ATG7: variants seen among roughly 807,000 people sequenced by gnomAD.
ATG7 encodes ubiquitin-like modifier-activating enzyme ATG7.
Under a neutral mutation model 82.4 loss-of-function variants are expected in ATG7, and 70 were observed. The ratio of observed to expected loss-of-function variants is 0.85; its 90% CI spans 0.70 to 1.04. ATG7 has a LOEUF of 1.04. Among genes scored for constraint, ATG7 ranks in the 50% least tolerant of loss-of-function variants. ATG7 has a pLI of 0.00. For missense variants in ATG7, 792 were observed against 864.3 expected, an observed-to-expected ratio of 0.92 and a Z score of 1.05; for synonymous variants, 287 against 313.0, an observed-to-expected ratio of 0.92 and a Z score of 0.88.
At chr3:11,475,858 CTG>C (rs1200956315) in intron 20 of ATG7, among the ~76,000 whole-genome samples, 2 of 142,446 alleles carry the variant, frequency 1.4e-5, no homozygotes, top group East Asian at 4.1e-4. Context: ...GTCCATCTCT[CTG>C]TCTCTGAGAC....
At chr3:11,468,939 G>A (rs1462763935) in intron 20 of ATG7, among the ~76,000 whole-genome samples, 2 of 152,202 alleles carry the variant, frequency 1.3e-5, no homozygotes, top group African/African-American at 4.8e-5. Flanking sequence ...GCTGTGTGTG[G>A]GCAGATTGAG....
intron 20 of ATG7, among the ~76,000 whole-genome samples, chr3:11,503,171 A>G (rs73139551): frequency 0.095 from 14,489 of 152,146 alleles, 1,279 homozygotes; most frequent in African/African-American, 0.23. Flanking sequence ...GGCTCTTTGA[A>G]TGACAGTCGG....
rs1360921208 is a variant in ATG7, at chr3:11,285,099, C to A, written c.-11+2661C>A. Reference sequence around the variant, plus strand: ...TCTCCTGACCTCATGATTTGCCCACCTCGGCCTCCCAGAGTGCTAGGATTA... The same window carrying A: ...TCTCCTGACCTCATGATTTGCCCACATCGGCCTCCCAGAGTGCTAGGATTA... On this transcript the variant is annotated intron_variant, in intron 3 of 20. Transcript: ENST00000693202. Among the ~76,000 whole-genome samples the A allele has an allele frequency of 1.0e-4, 15 of 148,882 alleles. 1 individual carries two copies. The East Asian group carries it at 3.0e-3, about 30-fold the overall frequency.
chr3:11,563,623 A>G, the ATG7 span, among the ~76,000 whole-genome samples: 1 of 152,230 alleles, frequency 6.6e-6, no homozygotes, highest in Non-Finnish European at 1.5e-5. Context: ...AATGAACAGC[A>G]GTGATAACTT....
chr3:11,388,717 T>C (rs4340687), intron 19 of ATG7, among the ~76,000 whole-genome samples: 131,997 of 151,876 alleles, frequency 0.87, 57,684 homozygotes, highest in East Asian at 1. Context: ...TGTGAGCCAC[T>C]GCGCCAGGCC....
intron 14 of ATG7, among the ~76,000 whole-genome samples, chr3:11,352,209 C>G (rs1311242056): frequency 6.6e-6 from 1 of 152,140 alleles, no homozygotes; most frequent in African/African-American, 2.4e-5. Context: ...GCATAGTATT[C>G]CATGGTGTAT....
At position 11,555,662 on chromosome 3, in the gene ATG7, G is replaced by A. The variant is rs2072334577; in HGVS notation, c.*819G>A. The A allele has an allele frequency of 6.6e-6, 1 of 152,324 alleles. No individual in the cohort carries two copies. The highest frequency in any genetic ancestry group is 1.5e-5 in the Non-Finnish European group (1 of 68,148). 9.4% of individuals were successfully genotyped at this position (152,324 alleles called of 1,614,324 possible). A position where few individuals can be genotyped will look rare whatever the true frequency, so the allele number is the denominator to read the frequency against. ...TGGGCTGCCTTCCTGCCCCAGCCGAGGGAGGGGTCAGACGGCTCTACCATG... is the reference window on the plus strand; with the variant it reads ...TGGGCTGCCTTCCTGCCCCAGCCGAAGGAGGGGTCAGACGGCTCTACCATG... On this transcript the variant is annotated 3_prime_UTR_variant, in exon 21 of 21. Transcript: ENST00000693202.
intron 20 of ATG7, among the ~76,000 whole-genome samples, chr3:11,502,029 T>TACAC (rs1469153675): frequency 9.3e-5 from 4 of 42,912 alleles, no homozygotes; most frequent in Admixed American, 8.1e-4. Flanking sequence ...TAAACATATA[T>TACAC]ACACACATAC....
intron 19 of ATG7, among the ~76,000 whole-genome samples, chr3:11,413,096 T>C (rs1021089722): frequency 6.6e-6 from 1 of 152,168 alleles, no homozygotes; most frequent in Non-Finnish European, 1.5e-5. Flanking sequence ...ACATGTAAAA[T>C]CATATCATTT....
At chr3:11,311,815 G>A (rs1012114040) in intron 7 of ATG7, among the ~76,000 whole-genome samples, 6 of 151,720 alleles carry the variant, frequency 4.0e-5, no homozygotes, top group Non-Finnish European at 5.9e-5. Flanking sequence ...TGTGAAGAGG[G>A]AATTTTTTCT....
At chr3:11,413,066 T>G (rs1352907186) in intron 19 of ATG7, among the ~76,000 whole-genome samples, 1 of 152,190 alleles carries the variant, frequency 6.6e-6, no homozygotes, top group East Asian at 1.9e-4. Flanking sequence ...ATTCAGTTTT[T>G]GTAGACTGTA....
intron 19 of ATG7, among the ~76,000 whole-genome samples, chr3:11,416,415 T>C (rs923135336): frequency 3.1e-4 from 47 of 152,192 alleles, no homozygotes; most frequent in Non-Finnish European, 4.6e-4. Flanking sequence ...ATTTCCATTT[T>C]TTTCTTATTT....
chr3:11,409,804 A>G (rs2080724757), intron 19 of ATG7, among the ~76,000 whole-genome samples: 1 of 149,824 alleles, frequency 6.7e-6, no homozygotes, highest in Non-Finnish European at 1.5e-5. Flanking sequence ...GTGGTTGTCC[A>G]GTTGCTACAG....
chr3:11,530,153 G>A (rs1342944757), intron 20 of ATG7, among the ~76,000 whole-genome samples: 2 of 152,192 alleles, frequency 1.3e-5, no homozygotes, highest in Non-Finnish European at 2.9e-5. Flanking sequence ...GCACAGATGT[G>A]TTATAATACC....
At chr3:11,433,654 G>T (rs943193777) in intron 20 of ATG7, among the ~76,000 whole-genome samples, 1 of 152,164 alleles carries the variant, frequency 6.6e-6, no homozygotes, top group Non-Finnish European at 1.5e-5. Flanking sequence ...ATGAAAGTTT[G>T]CACGTTCCAT....
chr3:11,490,186 G>C (rs1235569048), intron 20 of ATG7, among the ~76,000 whole-genome samples: 3 of 152,156 alleles, frequency 2.0e-5, no homozygotes, highest in Admixed American at 2.0e-4. Context: ...ATATATTTAC[G>C]ATAGTTAGCT....
intron 14 of ATG7, among the ~76,000 whole-genome samples, chr3:11,354,214 G>A (rs1009968135): frequency 3.3e-5 from 5 of 151,868 alleles, no homozygotes; most frequent in Non-Finnish European, 5.9e-5. Context: ...CCCTTTCCAG[G>A]TGCCTTTAAA....
intron 20 of ATG7, among the ~76,000 whole-genome samples, chr3:11,522,133 C>T (rs2092458726): frequency 6.6e-6 from 1 of 152,186 alleles, no homozygotes; most frequent in Non-Finnish European, 1.5e-5. Context: ...CCCTAGAACT[C>T]AAGCCCTTAA....
chr3:11,369,483 G>C (rs2076853156), intron 18 of ATG7, among the ~76,000 whole-genome samples: 1 of 151,192 alleles, frequency 6.6e-6, no homozygotes, highest in Non-Finnish European at 1.5e-5. Context: ...ATGAAGTTCA[G>C]GGAAGTTAAG....
Sources: gnomAD v4.1 joint callset for allele counts (sites outside exome capture counted in the v4.1 genomes callset) on GRCh38, gnomAD v4.1.1 for gene constraint, MANE v1.5 for transcripts, NCBI Gene and HGNC (gene_info 2026-07-23, HGNC 2026-07-21) for gene names.